The following BOD1L1 variants were observed in gnomAD, a reference collection of about 807,000 sequenced individuals.
BOD1L1 encodes biorientation of chromosomes in cell division protein 1-like 1.
Under a neutral mutation model 240.7 loss-of-function variants are expected in BOD1L1, and 86 were observed. The observed-to-expected ratio is 0.36, with a 90% confidence interval of 0.30 to 0.43. The LOEUF is 0.43. BOD1L1 is among the 20% of genes least tolerant of loss of function. The pLI, the probability that BOD1L1 is intolerant of heterozygous loss-of-function variation, is 1.00. For synonymous variants in BOD1L1, 1,268 were observed against 1,272.3 expected (o/e 1.00, Z 0.07); for missense variants, 3,554 against 3,643.5 (o/e 0.98, Z 0.63).
In BOD1L1 at chr4:13,590,535, C is replaced by A. The variant is rs1714117623; in HGVS notation, c.8149-89G>T. 4 of 605,114 alleles carry A rather than the reference C, an allele frequency of 6.6e-6. No individual in the cohort carries two copies. In the African/African-American group the frequency reaches 7.7e-5, roughly 12 times the overall value. 37.5% of individuals were successfully genotyped at this position (605,114 alleles called of 1,614,324 possible). A position where few individuals can be genotyped will look rare whatever the true frequency, so the allele number is the denominator to read the frequency against. Reference sequence around the variant, plus strand: ...GAAGAGAGAAGGTAATTTACATAACCTGGCTATTTGTACAAATGCCAAAAG... The same window carrying A: ...GAAGAGAGAAGGTAATTTACATAACATGGCTATTTGTACAAATGCCAAAAG... On this transcript the variant is annotated intron_variant, in intron 13 of 25. Transcript: ENST00000040738.
At chr4:13,607,715 C>T (rs1715826226) in intron 8 of BOD1L1, among the ~76,000 whole-genome samples, 1 of 152,134 alleles carries the variant, frequency 6.6e-6, no homozygotes, top group South Asian at 2.1e-4. Context: ...ATTAACTGTT[C>T]TTGGTGCTAA....
chr4:13,627,439 TC>T lies in BOD1L1; in HGVS notation c.148del (p.Asp50ThrfsTer7), dbSNP rs1188558332. The T allele has an allele frequency of 1.2e-5, 15 of 1,299,190 alleles. No homozygotes were observed. The highest frequency in any genetic ancestry group is 4.2e-5 in the South Asian group (2 of 47,988). 80.5% of individuals were successfully genotyped at this position (1,299,190 alleles called of 1,614,324 possible). On this transcript the variant is annotated frameshift_variant, in exon 1 of 26. Transcript: ENST00000040738. LOFTEE classifies it high-confidence loss of function. ...CACGATCATGGCCACGAGCTGCGGG[TC>T]CCCGGCGCCCGCACCCGCGCCGCCC... ...GAGGAGAGAG[D>X]PQLVAMIVNH...
intron 2 of BOD1L1, among the ~76,000 whole-genome samples, chr4:13,619,353 G>C (rs183328718): frequency 6.7e-6 from 1 of 149,206 alleles, no homozygotes; most frequent in Non-Finnish European, 1.5e-5. Context: ...AGTTTCCTAA[G>C]GATGCTCCAA....
At position 13,595,181 on chromosome 4, in the gene BOD1L1, A is replaced by C. The variant is rs1156606051; in HGVS notation, c.8104+679T>G. Among the ~76,000 whole-genome samples the C allele has an allele frequency of 2.6e-5, 4 of 152,236 alleles. No individual in the cohort carries two copies. In the East Asian group the frequency reaches 7.7e-4, roughly 29 times the overall value. The stretch of plus-strand genomic sequence containing the variant: ...ATAGTGAGTTAATTATATTGAATTA[A>C]TAGTGACTTAATATTTACTTTTCTC... On this transcript the variant is annotated intron_variant, in intron 12 of 25. Coordinates refer to ENST00000040738, the MANE Select transcript of BOD1L1 (RefSeq NM_148894.3).
chr4:13,616,958 C>T (rs554961475), intron 2 of BOD1L1, among the ~76,000 whole-genome samples: 1 of 152,128 alleles, frequency 6.6e-6, no homozygotes, highest in South Asian at 2.1e-4. Flanking sequence ...TAAAAAGGTA[C>T]AAAAAGGACC....
At chr4:13,584,457 T>A (rs1422024938) in intron 17 of BOD1L1, among the ~76,000 whole-genome samples, 3,034 of 148,482 alleles carry the variant, frequency 0.02, 113 homozygotes, top group African/African-American at 0.075. Context: ...TGTGTGTGTG[T>A]GTGTGTGTGT....
chr4:13,614,856 A>G (rs1447959561), intron 3 of BOD1L1, 46 bp from the exon 4 acceptor site: 1 of 1,509,902 alleles, frequency 6.6e-7, no homozygotes, highest in East Asian at 2.4e-5. Flanking sequence ...TCAGAAGGAA[A>G]ATACCTCTGC....
intron 12 of BOD1L1, among the ~76,000 whole-genome samples, chr4:13,594,671 C>T (rs572497371): frequency 4.9e-4 from 74 of 152,152 alleles, no homozygotes; most frequent in Middle Eastern, 3.4e-3. Context: ...CCAAGGCGGG[C>T]GGATCACGAG....
chr4:13,600,927 G>T lies in BOD1L1; in HGVS notation c.5973C>A (p.Leu1991=). ...SAASDQSDSQ[L]EKVEDTTIST... Reference sequence around the variant, plus strand: ...AAATAGTGGTATCTTCAACTTTTTCGAGCTGACTGTCACTTTGATCAGATG... The same window carrying T: ...AAATAGTGGTATCTTCAACTTTTTCTAGCTGACTGTCACTTTGATCAGATG... Residue 1991 remains leucine, a synonymous_variant, in exon 10 of 26, where the codon CTC becomes CTA. Transcript: ENST00000040738. The T allele has an allele frequency of 1.9e-6, 3 of 1,613,854 alleles. No homozygotes were observed. The highest frequency in any genetic ancestry group is 2.2e-5 in the South Asian group (2 of 91,080).
chr4:13,603,008 G>C lies in BOD1L1; in HGVS notation c.3892C>G (p.Pro1298Ala). 6.2e-7 allele frequency: 1 copy of C among 1,613,976 alleles called. No homozygotes were observed. Among genetic ancestry groups the C allele is most frequent in the African/African-American group, 1.3e-5 (1 of 75,048 alleles). The change falls in exon 10 of 26, where the codon CCA (proline) becomes GCA (alanine). Residue 1298 changes from proline to alanine, a missense_variant. Physicochemically the swap from Pro to Ala is conservative, Grantham distance 27. This residue lies in a region of BOD1L1 where 3,393 missense variants were observed against 3,427.1 expected (regional missense o/e 0.99). Coordinates refer to ENST00000040738, the MANE Select transcript of BOD1L1 (RefSeq NM_148894.3). ...TVVPLRESYD[P>A]DVIPLFDKRT... ...TTGTCAAACAGAGGAATTACATCTG[G>C]ATCATACGATTCCCTCAGAGGCACA... is the stretch of plus-strand genomic sequence containing the variant.
chr4:13,613,686 A>G lies in BOD1L1; in HGVS notation c.1175-25T>C. ...TCTTCAAGCGGAAAATAAAACACAG[A>G]AAAAAAAATCATCTTATTATAAGAA... On this transcript the variant is annotated intron_variant, in intron 4 of 25. Coordinates refer to ENST00000040738, the MANE Select transcript of BOD1L1 (RefSeq NM_148894.3). The surrounding 1 kb of genome is among the most constrained non-coding windows in gnomAD (Gnocchi z 4.0). 6.9e-7 allele frequency: 1 copy of G among 1,458,306 alleles called. No individual in the cohort carries two copies. The highest frequency in any genetic ancestry group is 9.2e-7 in the Non-Finnish European group (1 of 1,087,888). The allele number at this position is 1,458,306 out of a possible 1,614,324, so 90.3% of individuals were successfully genotyped here.
chr4:13,599,381 C>T lies in BOD1L1; in HGVS notation c.7519G>A (p.Gly2507Arg), dbSNP rs778288932. ...GTCTGCCCAGACGTCTGTTCTGGTC[C>T]TCTCAGGTGGGCAGGTGAGTTAGCA... is the stretch of plus-strand genomic sequence containing the variant. ...GNANSPAHLR[G>R]PEQTSGQTAK... is the part of the protein sequence containing the mutation. Residue 2507 changes from glycine to arginine, a missense_variant, in exon 10 of 26, where the codon GGA becomes AGA. By Grantham distance (125) the Gly-to-Arg change is moderately radical. Around this residue, in one of 2 missense-constraint regions of BOD1L1, gnomAD observed 3,393 missense variants for 3,427.1 expected, o/e 0.99. Transcript: ENST00000040738. 1.9e-6 allele frequency: 3 copies of T among 1,613,986 alleles called. No homozygotes were observed. Among genetic ancestry groups the T allele is most frequent in the Non-Finnish European group, 2.5e-6 (3 of 1,179,888 alleles).
intron 12 of BOD1L1, among the ~76,000 whole-genome samples, chr4:13,594,507 C>T (rs1009896964): frequency 5.3e-5 from 8 of 152,190 alleles, no homozygotes; most frequent in African/African-American, 1.9e-4. Context: ...GCCAAACTAA[C>T]ATTATTTGTC....
chr4:13,619,468 G>A (rs2108994669), intron 2 of BOD1L1, among the ~76,000 whole-genome samples: 2 of 152,152 alleles, frequency 1.3e-5, no homozygotes, highest in Middle Eastern at 6.8e-3. Flanking sequence ...TTCATAAACA[G>A]CAGTTAAAAG....
chr4:13,619,305 T>TAAA lies in BOD1L1; in HGVS notation c.368+635_368+637dup, dbSNP rs10650324. ...GCCTGGGGAACAGAATGAGACTCTT[T>TAAA]AAAAAAAAAAAAAAAAAAAGTAGAA... On this transcript the variant is annotated intron_variant, in intron 2 of 25. Transcript: ENST00000040738. Among the ~76,000 whole-genome samples the TAAA allele has an allele frequency of 7.6e-3, 997 of 130,756 alleles. 29 individuals are homozygous for TAAA. Among genetic ancestry groups the TAAA allele is most frequent in the South Asian group, 0.023 (92 of 3,976 alleles). The allele number at this position is 130,756 out of a possible 152,430, so 85.8% of individuals were successfully genotyped here. A position where few individuals can be genotyped will look rare whatever the true frequency, so the allele number is the denominator to read the frequency against.
intron 25 of BOD1L1, among the ~76,000 whole-genome samples, chr4:13,576,010 C>T (rs1239810106): frequency 6.1e-5 from 9 of 147,240 alleles, no homozygotes; most frequent in Non-Finnish European, 8.9e-5. Flanking sequence ...TTAAGCAATT[C>T]CCCTGCCTCA....
Position 13,603,240 on chromosome 4 carries a change from C to T in BOD1L1, c.3660G>A (p.Glu1220=). 6.2e-7 allele frequency: 1 copy of T among 1,613,978 alleles called. No homozygotes were observed. Among genetic ancestry groups the T allele is most frequent in the South Asian group, 1.1e-5 (1 of 91,068 alleles). ...QSAVSKMNPG[E]KEPIHRGTTE... ...TAGTTCCTCTATGAATGGGTTCTTTCTCCCCAGGGTTCATTTTGGACACAG... is the reference window on the plus strand; with the variant it reads ...TAGTTCCTCTATGAATGGGTTCTTTTTCCCCAGGGTTCATTTTGGACACAG... The change falls in exon 10 of 26, where the codon GAG becomes GAA. Residue 1220 remains glutamate (E), a synonymous_variant. Coordinates refer to ENST00000040738, the MANE Select transcript of BOD1L1 (RefSeq NM_148894.3).
At chr4:13,586,227 T>C (rs1231351569) in intron 17 of BOD1L1, among the ~76,000 whole-genome samples, 169 bp downstream of exon 17, 1 of 152,222 alleles carries the variant, frequency 6.6e-6, no homozygotes, top group Non-Finnish European at 1.5e-5. Context: ...CATTTGATTT[T>C]TGGGAGGAGA....
intron 1 of BOD1L1, chr4:13,625,002 G>T (rs1717287758): frequency 6.6e-6 from 1 of 152,176 alleles, no homozygotes; most frequent in South Asian, 2.1e-4. Context: ...GAGCCACCGG[G>T]CCTGGCCATA....
Sources: gnomAD v4.1 joint callset for allele counts (sites outside exome capture counted in the v4.1 genomes callset) on GRCh38, gnomAD v4.1.1 for gene constraint, gnomAD v4.1.1 regional missense constraint, Gnocchi (gnomAD v3.1) non-coding constraint, MANE v1.5 for transcripts, NCBI Gene and HGNC (gene_info 2026-07-23, HGNC 2026-07-21) for gene names.